Variants in TRDN observed in about 807,000 individuals in gnomAD.
TRDN encodes the protein triadin.
A neutral mutation model predicts 149.7 loss-of-function variants in TRDN; 161 were observed. The observed-to-expected ratio is 1.08, with a 90% CI of 0.95 to 1.23. TRDN has a LOEUF of 1.23. TRDN is among the 50% of genes most tolerant of loss of function. TRDN has a pLI of 0.00. For synonymous variants in TRDN, 294 were observed against 250.5 expected (o/e 1.17, Z -1.64); for missense variants, 896 against 823.5 (o/e 1.09, Z -1.08).
At chr6:123,351,279 T>C (rs954583594) in intron 21 of TRDN, 15 of 958,842 alleles carry the variant, frequency 1.6e-5, no homozygotes, top group Non-Finnish European at 1.7e-5. Flanking sequence ...CTTTCACATA[T>C]GTTTTCATGT....
intron 9 of TRDN, among the ~76,000 whole-genome samples, chr6:123,491,851 A>C (rs1353600864): frequency 6.6e-6 from 1 of 152,172 alleles, no homozygotes; most frequent in African/African-American, 2.4e-5. Flanking sequence ...GATTTTTTTC[A>C]GAAGTCTAAA....
chr6:123,451,393 C>G (rs1246460301), intron 10 of TRDN, among the ~76,000 whole-genome samples: 2 of 151,896 alleles, frequency 1.3e-5, no homozygotes, highest in Admixed American at 1.3e-4. Context: ...ATACAAATAA[C>G]TTCACTAAGA....
At chr6:123,351,206 T>C (rs1780451819) in intron 21 of TRDN, 1 of 983,454 alleles carries the variant, frequency 1.0e-6, no homozygotes, top group Non-Finnish European at 1.2e-6. Flanking sequence ...AAATTGATTT[T>C]ATAAGAAAAA....
At chr6:123,371,055 A>C (rs1209687810) in intron 19 of TRDN, among the ~76,000 whole-genome samples, 1 of 151,928 alleles carries the variant, frequency 6.6e-6, no homozygotes, top group South Asian at 2.1e-4. Flanking sequence ...ATTGAAGATC[A>C]TAATTTTAAT....
intron 7 of TRDN, among the ~76,000 whole-genome samples, chr6:123,511,511 T>C (rs1779181692): frequency 6.6e-6 from 1 of 152,152 alleles, no homozygotes; most frequent in Non-Finnish European, 1.5e-5. Context: ...AAAAGAAAAT[T>C]CTGAATTTGA....
intron 12 of TRDN, among the ~76,000 whole-genome samples, chr6:123,400,170 T>TATAC (rs1562295297): frequency 1.4e-5 from 2 of 144,822 alleles, no homozygotes; most frequent in Non-Finnish European, 3.0e-5. Flanking sequence ...TGTATGTGTA[T>TATAC]ATATATATAT....
At chr6:123,278,969 G>A (rs1268566819) in intron 25 of TRDN, 87 bp downstream of exon 25, 3 of 1,230,846 alleles carry the variant, frequency 2.4e-6, no homozygotes, top group African/African-American at 1.6e-5. Flanking sequence ...ATGAAATCAA[G>A]ATAAATAACA....
chr6:123,440,860 A>G (rs1774839312), intron 10 of TRDN: 1 of 152,150 alleles, frequency 6.6e-6, no homozygotes, highest in Non-Finnish European at 1.5e-5. Flanking sequence ...TCAAATTAAT[A>G]TAGCTGGAAT....
chr6:123,283,009 A>T (rs1777638213), intron 24 of TRDN, among the ~76,000 whole-genome samples: 1 of 151,858 alleles, frequency 6.6e-6, no homozygotes. Context: ...TGCAAAAGGA[A>T]AGAATTTTAA....
intron 24 of TRDN, among the ~76,000 whole-genome samples, chr6:123,310,104 T>A (rs371454707): frequency 6.6e-6 from 1 of 152,076 alleles, no homozygotes; most frequent in African/African-American, 2.4e-5. Flanking sequence ...AATCTCTGCA[T>A]AAGCAGTTCA....
At position 123,381,497 on chromosome 6, in the gene TRDN, T is replaced by G. The variant is rs9482382; in HGVS notation, c.1166-107A>C. The G allele has an allele frequency of 0.13, 135,447 of 1,053,608 alleles. 9,454 individuals carry two copies. The highest frequency in any genetic ancestry group is 0.21 in the African/African-American group (13,305 of 62,758). The allele number at this position is 1,053,608 out of a possible 1,614,324, so 65.3% of individuals were successfully genotyped here. On this transcript the variant is annotated intron_variant, in intron 15 of 40. Transcript: ENST00000334268. Reference sequence around the variant, plus strand: ...TTTTTCCCACCCCTCCTTCCAATTTTCTCTCCTTAAATTTCACAATGAGGT... The same window carrying G: ...TTTTTCCCACCCCTCCTTCCAATTTGCTCTCCTTAAATTTCACAATGAGGT...
chr6:123,622,318 G>T (rs201053065), intron 1 of TRDN, among the ~76,000 whole-genome samples: 93 of 123,708 alleles, frequency 7.5e-4, no homozygotes, highest in Admixed American at 5.1e-3. Context: ...TATATATACA[G>T]ACACACACAC....
At chr6:123,601,101 G>T (rs1383807580) in intron 1 of TRDN, among the ~76,000 whole-genome samples, 1 of 151,980 alleles carries the variant, frequency 6.6e-6, no homozygotes, top group East Asian at 1.9e-4. Flanking sequence ...TAAAAGGCTG[G>T]CCAAGAAAGG....
chr6:123,379,302 T>A (rs903623649), intron 16 of TRDN, among the ~76,000 whole-genome samples: 1 of 152,190 alleles, frequency 6.6e-6, no homozygotes, highest in East Asian at 1.9e-4. Flanking sequence ...ACTTATCCTC[T>A]TTTAAGACAG....
intron 14 of TRDN, among the ~76,000 whole-genome samples, chr6:123,387,495 C>T (rs1359413537): frequency 6.6e-6 from 1 of 152,050 alleles, no homozygotes; most frequent in Non-Finnish European, 1.5e-5. Flanking sequence ...TGCACATCTG[C>T]TTGGGCGTTT....
At chr6:123,255,535 T>A (rs1776526990) in intron 36 of TRDN, among the ~76,000 whole-genome samples, 1 of 152,188 alleles carries the variant, frequency 6.6e-6, no homozygotes, top group Admixed American at 6.5e-5. Flanking sequence ...GTAATTGTCA[T>A]CTTATATGGT....
In TRDN at chr6:123,399,018, A is replaced by G. The variant is rs9388234; in HGVS notation, c.1052-5341T>C. 4.9e-4 allele frequency among the ~76,000 whole-genome samples: 75 copies of G among 152,318 alleles called. No individual in the cohort carries two copies. In the East Asian group the frequency reaches 0.011, roughly 22 times the overall value. On this transcript the variant is annotated intron_variant, in intron 12 of 40. Transcript: ENST00000334268. ...TGGAATCTAAGTAGCTTTTACCTTA[A>G]TAACTTAGCATTATAGTGTTTAATT...
chr6:123,490,932 G>A (rs570752989), intron 9 of TRDN, among the ~76,000 whole-genome samples: 1 of 152,040 alleles, frequency 6.6e-6, no homozygotes, highest in African/African-American at 2.4e-5. Flanking sequence ...GTGAAATCCC[G>A]TCTCTACTAA....
chr6:123,337,722 A>C (rs1562268032), intron 21 of TRDN, 53 bp from the exon 22 acceptor site: 3 of 1,077,640 alleles, frequency 2.8e-6, no homozygotes, highest in Non-Finnish European at 1.3e-6. Flanking sequence ...AGAGGAAAAA[A>C]ATGCAAGTCT....
Sources: allele counts gnomAD v4.1 joint callset (sites outside exome capture counted in the v4.1 genomes callset), GRCh38; gene constraint gnomAD v4.1.1; transcripts MANE v1.5; gene names NCBI Gene and HGNC (gene_info 2026-07-23, HGNC 2026-07-21).